Variants in BDKRB1 observed in about 807,000 individuals in gnomAD.
BDKRB1 encodes the protein B1 bradykinin receptor.
For synonymous variants in BDKRB1, 192 were observed against 189.1 expected (o/e 1.02, Z -0.13); for missense variants, 414 against 441.4 (o/e 0.94, Z 0.56).
At chr14:96,262,269 T>G (rs1204932992) in intron 1 of BDKRB1, among the ~76,000 whole-genome samples, 1 of 152,180 alleles carries the variant, frequency 6.6e-6, no homozygotes, top group East Asian at 1.9e-4. Context: ...TGGGGACAGG[T>G]GCAGCAGAAG....
At chr14:96,262,891 G>C (rs1251973017) in intron 2 of BDKRB1, 121 bp downstream of exon 2, 1 of 343,446 alleles carries the variant, frequency 2.9e-6, no homozygotes, top group Non-Finnish European at 5.7e-6. Flanking sequence ...GCCTCCCAAA[G>C]TACTGAGATT....
At position 96,264,077 on chromosome 14, in the gene BDKRB1, G is replaced by A. The variant is rs1348813538; in HGVS notation, c.395G>A (p.Ser132Asn). The A allele has an allele frequency of 1.2e-6, 2 of 1,609,766 alleles. No individual in the cohort carries two copies. The highest frequency in any genetic ancestry group is 8.5e-7 in the Non-Finnish European group (1 of 1,178,010). The change falls in exon 3 of 3, where the codon AGC (serine) becomes AAC (asparagine). Residue 132 changes from serine to asparagine, a missense_variant. Physicochemically the swap from Ser to Asn is conservative, Grantham distance 46. Transcript: ENST00000216629. ...FISIFLVVAI[S>N]QDRYRVLVHP... is the part of the protein sequence containing the mutation. ...AGCATCTTCCTGGTGGTGGCCATCAGCCAGGACCGCTACCGCGTGCTGGTG... is the reference window on the plus strand; with the variant it reads ...AGCATCTTCCTGGTGGTGGCCATCAACCAGGACCGCTACCGCGTGCTGGTG...
At position 96,264,337 on chromosome 14, in the gene BDKRB1, G is replaced by C. The variant is rs757505732; in HGVS notation, c.655G>C (p.Val219Leu). The C allele has an allele frequency of 3.7e-6, 6 of 1,614,204 alleles. No individual in the cohort carries two copies. The highest frequency in any genetic ancestry group is 5.1e-6 in the Non-Finnish European group (6 of 1,180,050). The change falls in exon 3 of 3, where the codon GTC (valine) becomes CTC (leucine). Residue 219 changes from valine (V) to leucine (L), a missense_variant. Transcript: ENST00000216629. ...LGFLLPLAAI[V>L]FFNYHILASL... ...TTTCCTCCTACCACTGGCTGCGATC[G>C]TCTTCTTCAACTACCACATCCTGGC...
chr14:96,259,732 A>G (rs1885700958), intron 1 of BDKRB1: 1 of 152,218 alleles, frequency 6.6e-6, no homozygotes, highest in Non-Finnish European at 1.5e-5. Flanking sequence ...CATGAGCTGA[A>G]TGAAAGAATG....
At chr14:96,261,512 G>T (rs893593686) in intron 1 of BDKRB1, among the ~76,000 whole-genome samples, 1 of 152,214 alleles carries the variant, frequency 6.6e-6, no homozygotes, top group Non-Finnish European at 1.5e-5. Context: ...GGAAAGTCAG[G>T]CTCAGAGACA....
In BDKRB1 at chr14:96,263,693, C is replaced by T. The variant is rs765008189; in HGVS notation, c.11C>T (p.Ser4Phe). 16 of 1,613,066 alleles carry T rather than the reference C, an allele frequency of 9.9e-6. No individual in the cohort carries two copies. Among genetic ancestry groups the T allele is most frequent in the Non-Finnish European group, 1.4e-5 (16 of 1,179,562 alleles). Residue 4 changes from serine to phenylalanine, a missense_variant, in exon 3 of 3, where the codon TCC becomes TTC. Physicochemically the swap from Ser to Phe is radical, Grantham distance 155. Transcript: ENST00000216629. Reference protein sequence around the residue: MASSWPPLELQSSN... With the variant: MASFWPPLELQSSN... Reference sequence around the variant, plus strand: ...TTCAGGTCACTGTGCATGGCATCATCCTGGCCCCCTCTAGAGCTCCAATCC... The same window carrying T: ...TTCAGGTCACTGTGCATGGCATCATTCTGGCCCCCTCTAGAGCTCCAATCC...
intron 2 of BDKRB1, among the ~76,000 whole-genome samples, chr14:96,263,438 T>C (rs1437827090): frequency 6.6e-6 from 1 of 152,110 alleles, no homozygotes; most frequent in Non-Finnish European, 1.5e-5. Context: ...GTCAGCAAAC[T>C]TTTCCCCCTC....
rs754212674 is a variant in BDKRB1, at chr14:96,263,892, C to A, written c.210C>A (p.Asn70Lys). Residue 70 changes from asparagine to lysine, a missense_variant, in exon 3 of 3, where the codon AAC becomes AAA. Physicochemically the swap from Asn to Lys is moderately conservative, Grantham distance 94. Transcript: ENST00000216629. ...TCCTCCTGCCCCGGCGGCAACTGAA[C>A]GTGGCAGAAATCTACCTGGCCAACC... ...LVFLLPRRQL[N>K]VAEIYLANLA... is the part of the protein sequence containing the mutation. The A allele has an allele frequency of 5.0e-6, 8 of 1,614,246 alleles. No individual in the cohort carries two copies. Among genetic ancestry groups the A allele is most frequent in the Non-Finnish European group, 6.8e-6 (8 of 1,180,052 alleles).
Position 96,264,634 on chromosome 14 carries a change from C to T in BDKRB1, c.952C>T (p.Leu318Phe). 6.2e-7 allele frequency: 1 copy of T among 1,614,192 alleles called. No individual in the cohort carries two copies. The part of the protein sequence containing the change: ...NPVIYVFVGR[L>F]FRTKVWELYK... ...AGTAATTTATGTCTTTGTGGGCCGG[C>T]TCTTCAGGACCAAGGTCTGGGAACT... The change falls in exon 3 of 3, where the codon CTC becomes TTC. Residue 318 changes from leucine (L) to phenylalanine (F), a missense_variant. Transcript: ENST00000216629.
In BDKRB1 at chr14:96,263,581, A is replaced by G; in HGVS notation, c.-10-92A>G. 2.2e-6 allele frequency: 3 copies of G among 1,368,336 alleles called. No homozygotes were observed. In the South Asian group the frequency reaches 4.5e-5, roughly 21 times the overall value. 84.8% of individuals were successfully genotyped at this position (1,368,336 alleles called of 1,614,324 possible). A position where few individuals can be genotyped will look rare whatever the true frequency, so the allele number is the denominator to read the frequency against. ...ATGGGTGTGGCTCTGTGCCAATAAA[A>G]CTTTATTGTCCAAAAACAGGTGACA... On this transcript the variant is annotated intron_variant, in intron 2 of 2. Coordinates refer to ENST00000216629, the MANE Select transcript of BDKRB1 (RefSeq NM_000710.4).
chr14:96,259,523 T>G (rs967490324), intron 1 of BDKRB1: 3 of 152,424 alleles, frequency 2.0e-5, no homozygotes, highest in African/African-American at 7.2e-5. Flanking sequence ...ATCACATTTC[T>G]GTTTCATTAG....
Position 96,257,981 on chromosome 14 carries a change from G to A in BDKRB1, c.-130+1681G>A, listed in dbSNP as rs141767746. On this transcript the variant is annotated intron_variant, in intron 1 of 2. Transcript: ENST00000216629. ...GAAGGAAGGAGGGAAGGAGGGTAGG[G>A]AGGGAAGGAGAGAAGGAGGGAATGA... 3.7e-3 allele frequency among the ~76,000 whole-genome samples: 553 copies of A among 150,580 alleles called. 4 individuals carry two copies. Among genetic ancestry groups the A allele is most frequent in the African/African-American group, 0.013 (525 of 40,920 alleles).
intron 1 of BDKRB1, among the ~76,000 whole-genome samples, chr14:96,260,331 G>A (rs1444696245): frequency 6.6e-6 from 1 of 152,136 alleles, no homozygotes; most frequent in Non-Finnish European, 1.5e-5. Flanking sequence ...CTGGTGCAAT[G>A]TTCTTAAAAT....
intron 1 of BDKRB1, among the ~76,000 whole-genome samples, chr14:96,257,283 T>C (rs1885638523): frequency 6.6e-6 from 1 of 152,232 alleles, no homozygotes; most frequent in African/African-American, 2.4e-5. Context: ...TCTGGCTTCC[T>C]GGGCAGGGTG....
intron 2 of BDKRB1, among the ~76,000 whole-genome samples, chr14:96,263,229 C>G (rs1885798870): frequency 6.6e-6 from 1 of 152,194 alleles, no homozygotes; most frequent in Admixed American, 6.5e-5. Context: ...CTAATCACTA[C>G]CTTCCAAAGT....
chr14:96,259,287 A>ATTGAT (rs1885690652), intron 1 of BDKRB1: 1 of 129,276 alleles, frequency 7.7e-6, no homozygotes, highest in African/African-American at 3.3e-5. Context: ...AATGTCCACT[A>ATTGAT]AAATTGATTG....
At position 96,264,632 on chromosome 14, in the gene BDKRB1, G is replaced by T; in HGVS notation, c.950G>T (p.Arg317Leu). ...CCAGTAATTTATGTCTTTGTGGGCC[G>T]GCTCTTCAGGACCAAGGTCTGGGAA... ...LNPVIYVFVG[R>L]LFRTKVWELY... The change falls in exon 3 of 3, where the codon CGG (arginine) becomes CTG (leucine). Residue 317 changes from arginine to leucine, a missense_variant. Coordinates refer to ENST00000216629, the MANE Select transcript of BDKRB1 (RefSeq NM_000710.4). 1.2e-6 allele frequency: 2 copies of T among 1,614,120 alleles called. No homozygotes were observed. The highest frequency in any genetic ancestry group is 2.2e-5 in the South Asian group (2 of 91,086).
intron 1 of BDKRB1, 46 bp from the exon 2 acceptor site, chr14:96,262,606 C>CT (rs34474132): frequency 0.012 from 3,790 of 309,600 alleles, 14 homozygotes; most frequent in South Asian, 0.016. Context: ...TCTCTCTCTC[C>CT]TTTTTTTTTT....
intron 1 of BDKRB1, chr14:96,259,659 A>G (rs930455918): frequency 2.6e-5 from 4 of 152,340 alleles, no homozygotes; most frequent in African/African-American, 9.6e-5. Flanking sequence ...CTTAAATAGC[A>G]TTCACAAAAA....
Sources: gnomAD v4.1 joint callset for allele counts (sites outside exome capture counted in the v4.1 genomes callset) on GRCh38, gnomAD v4.1.1 for gene constraint, MANE v1.5 for transcripts, NCBI Gene and HGNC (gene_info 2026-07-23, HGNC 2026-07-21) for gene names.